VRK2: variants seen among roughly 807,000 people sequenced by gnomAD.
The protein encoded by VRK2 is serine/threonine-protein kinase VRK2.
A neutral mutation model predicts 57.6 loss-of-function variants in VRK2; 60 were observed. The ratio of observed to expected loss-of-function variants is 1.04; its 90% CI spans 0.85 to 1.29. The LOEUF (loss-of-function observed/expected upper bound fraction) is 1.29, where lower values mean the gene tolerates loss of function less well. Among genes scored for constraint, VRK2 ranks in the 50% most tolerant of loss-of-function variants. The pLI is 0.00. For missense variants in VRK2, 705 were observed against 588.1 expected, an observed-to-expected ratio of 1.20 and a Z score of -2.06; for synonymous variants, 231 against 199.2, an observed-to-expected ratio of 1.16 and a Z score of -1.35.
intron 2 of VRK2, among the ~76,000 whole-genome samples, chr2:58,056,065 TCACACC>T (rs1166993061): frequency 6.6e-6 from 1 of 152,122 alleles, no homozygotes; most frequent in African/African-American, 2.4e-5. Flanking sequence ...TCTGATTGTC[TCACACC>T]CACTACAGAA....
At chr2:58,091,178 A>G (rs1207151826) in intron 7 of VRK2, among the ~76,000 whole-genome samples, 2 of 152,176 alleles carry the variant, frequency 1.3e-5, no homozygotes, top group Admixed American at 1.3e-4. Context: ...AGAATGGACA[A>G]GACCAAGAGT....
At chr2:58,014,839 GTGTAGATCTGCAGTAGCCACC>G (rs1673526242) in intron 1 of VRK2, among the ~76,000 whole-genome samples, 1 of 152,082 alleles carries the variant, frequency 6.6e-6, no homozygotes, top group Non-Finnish European at 1.5e-5. Context: ...TATTGTGTAG[GTGTAGATCTGCAGTAGCCACC>G]TAAAGACCCA....
chr2:58,049,028 T>C (rs979359926), intron 2 of VRK2, 61 bp downstream of exon 2: 2 of 1,553,624 alleles, frequency 1.3e-6, no homozygotes, highest in African/African-American at 1.4e-5. Flanking sequence ...CGTGATTACT[T>C]AGTGGTATTT....
intron 1 of VRK2, among the ~76,000 whole-genome samples, chr2:58,002,589 T>A (rs1253229619): frequency 6.6e-5 from 10 of 152,206 alleles, no homozygotes; most frequent in Admixed American, 2.0e-4. Context: ...GAGGATTATT[T>A]TTTTTTAATC....
chr2:58,002,200 G>T (rs1229030270), intron 1 of VRK2, among the ~76,000 whole-genome samples: 1 of 152,306 alleles, frequency 6.6e-6, no homozygotes, highest in East Asian at 1.9e-4. Flanking sequence ...AAAAGTAAAG[G>T]CTGGGCGTGG....
At chr2:58,039,990 T>C (rs1049333692) in intron 3 of VRK2, among the ~76,000 whole-genome samples, 1 of 151,992 alleles carries the variant, frequency 6.6e-6, no homozygotes, top group African/African-American at 2.4e-5. Flanking sequence ...CATAGCTCAC[T>C]GCAGCCTCAA....
chr2:58,012,811 A>T (rs529304091), intron 1 of VRK2, among the ~76,000 whole-genome samples: 3 of 152,356 alleles, frequency 2.0e-5, no homozygotes, highest in African/African-American at 7.2e-5. Flanking sequence ...CAGTGGAAAA[A>T]TCATATTTAC....
intron 1 of VRK2, among the ~76,000 whole-genome samples, chr2:57,968,639 C>T (rs1671995435): frequency 6.6e-6 from 1 of 151,948 alleles, no homozygotes; most frequent in South Asian, 2.1e-4. Context: ...GAGAATATAC[C>T]ATTTCGTACT....
chr2:58,126,860 C>G (rs563107869), intron 8 of VRK2, among the ~76,000 whole-genome samples: 65 of 152,036 alleles, frequency 4.3e-4, no homozygotes, highest in African/African-American at 1.4e-3. Context: ...AAATTGGTTA[C>G]ATTCTTAGTA....
At chr2:57,949,265 T>C (rs1671353469) in intron 1 of VRK2, among the ~76,000 whole-genome samples, 1 of 152,196 alleles carries the variant, frequency 6.6e-6, no homozygotes, top group Non-Finnish European at 1.5e-5. Flanking sequence ...TTGCACTTCA[T>C]TTTATTAAGC....
chr2:58,037,805 T>C (rs72949158), intron 3 of VRK2, among the ~76,000 whole-genome samples: 10,593 of 152,172 alleles, frequency 0.07, 1,228 homozygotes, highest in African/African-American at 0.24. Flanking sequence ...GGTAGAGCTA[T>C]GGCCAACAAC....
intron 1 of VRK2, among the ~76,000 whole-genome samples, chr2:57,990,850 GACAT>G (rs1245178500): frequency 4.3e-4 from 37 of 86,146 alleles, no homozygotes; most frequent in African/African-American, 2.4e-3. Context: ...GTCACACACA[GACAT>G]ACACACACAC....
chr2:58,098,237 G>T (rs900589150), intron 7 of VRK2, among the ~76,000 whole-genome samples: 1 of 151,856 alleles, frequency 6.6e-6, no homozygotes, highest in Admixed American at 6.6e-5. Flanking sequence ...GAGTCAAAAA[G>T]TTTTAAAAAA....
intron 1 of VRK2, among the ~76,000 whole-genome samples, chr2:57,947,903 C>T (rs1054814959): frequency 6.6e-6 from 1 of 152,166 alleles, no homozygotes; most frequent in African/African-American, 2.4e-5. Flanking sequence ...GATTTCTCCA[C>T]ATTTGGTGTA....
At chr2:58,106,283 T>C (rs539120769) in intron 7 of VRK2, among the ~76,000 whole-genome samples, 1 of 152,110 alleles carries the variant, frequency 6.6e-6, no homozygotes, top group African/African-American at 2.4e-5. Flanking sequence ...AGGCAACTGC[T>C]AGCCTATGAA....
At chr2:58,014,830 A>G (rs1673525635) in intron 1 of VRK2, among the ~76,000 whole-genome samples, 1 of 152,132 alleles carries the variant, frequency 6.6e-6, no homozygotes, top group African/African-American at 2.4e-5. Context: ...AAAGAGTATT[A>G]TTGTGTAGGT....
intron 2 of VRK2, among the ~76,000 whole-genome samples, chr2:58,061,335 T>G (rs561316122): frequency 1.3e-5 from 2 of 151,922 alleles, no homozygotes; most frequent in African/African-American, 4.8e-5. Context: ...TGTGGTAAAA[T>G]GAAATAAGTA....
intron 3 of VRK2, among the ~76,000 whole-genome samples, chr2:58,034,532 G>A (rs1288293348): frequency 6.6e-6 from 1 of 151,852 alleles, no homozygotes; most frequent in African/African-American, 2.4e-5. Flanking sequence ...CTTCTACAAG[G>A]CTCTAAGTTT....
At chr2:58,152,272 A>G (rs749772012) in intron 12 of VRK2, among the ~76,000 whole-genome samples, 2 of 151,892 alleles carry the variant, frequency 1.3e-5, no homozygotes, top group South Asian at 2.1e-4. Flanking sequence ...TGGTCAAGTC[A>G]TATTAGACAG....
Sources: gnomAD v4.1 joint callset for allele counts (sites outside exome capture counted in the v4.1 genomes callset) on GRCh38, gnomAD v4.1.1 for gene constraint, MANE v1.5 for transcripts, NCBI Gene and HGNC (gene_info 2026-07-23, HGNC 2026-07-21) for gene names.